Variants in KALRN observed in about 807,000 individuals in gnomAD.
The protein encoded by KALRN is kalirin RhoGEF kinase.
In KALRN, 70 loss-of-function variants were observed where a neutral mutation model predicts 353.7. The ratio of observed to expected loss-of-function variants is 0.20; its 90% CI spans 0.16 to 0.24. The LOEUF is 0.24. Among genes scored for constraint, KALRN ranks in the 10% least tolerant of loss-of-function variants. The probability of loss-of-function intolerance (pLI) is 1.00; values close to 1 mark genes in which losing one functional copy is unlikely to be tolerated. For synonymous variants in KALRN, 1,391 were observed against 1,434.8 expected (o/e 0.97, Z 0.69); for missense variants, 2,791 against 3,756.7 (o/e 0.74, Z 6.72).
chr3:124,626,289 A>G (rs1479143559), intron 34 of KALRN, among the ~76,000 whole-genome samples: 1 of 152,222 alleles, frequency 6.6e-6, no homozygotes, highest in African/African-American at 2.4e-5. Context: ...TCAGAAGAGA[A>G]TTTAACTTTG....
chr3:124,129,783 G>A (rs562434141), intron 1 of KALRN, among the ~76,000 whole-genome samples: 3 of 152,260 alleles, frequency 2.0e-5, no homozygotes, highest in African/African-American at 7.2e-5. Context: ...CCTCTTTTGG[G>A]CCTTGCTTTC....
rs1036785988 is a variant in KALRN, at chr3:124,375,773, T to C, written c.1771-9072T>C. On this transcript the variant is annotated intron_variant, in intron 10 of 59. Transcript: ENST00000682506. Reference sequence around the variant, plus strand: ...GCTTTCCTGCCTCAGAGTGACCAGATATTTAGCTTCTAGTTTATAGTCAGG... The same window carrying C: ...GCTTTCCTGCCTCAGAGTGACCAGACATTTAGCTTCTAGTTTATAGTCAGG... Among the ~76,000 whole-genome samples, 3 of 152,350 alleles carry C rather than the reference T, an allele frequency of 2.0e-5. No homozygotes were observed. In the South Asian group the frequency reaches 6.2e-4, roughly 32 times the overall value.
intron 34 of KALRN, chr3:124,584,540 A>G: frequency 2.8e-6 from 3 of 1,067,728 alleles, no homozygotes; most frequent in Non-Finnish European, 3.7e-6. Context: ...TGCCACAGGC[A>G]GCGTTACATG....
chr3:124,418,956 C>G (rs980844604), intron 14 of KALRN, among the ~76,000 whole-genome samples: 7 of 151,652 alleles, frequency 4.6e-5, no homozygotes, highest in African/African-American at 1.7e-4. Context: ...AATTCTCCAG[C>G]TGATACTTGG....
chr3:124,450,166 A>G (rs768180361), intron 21 of KALRN, among the ~76,000 whole-genome samples: 4 of 152,168 alleles, frequency 2.6e-5, no homozygotes, highest in Non-Finnish European at 4.4e-5. Context: ...TCTCACCAGC[A>G]GTTTGTGAGG....
chr3:124,321,649 C>G (rs2079351477), intron 6 of KALRN, among the ~76,000 whole-genome samples: 1 of 152,172 alleles, frequency 6.6e-6, no homozygotes, highest in African/African-American at 2.4e-5. Context: ...CAGTTAAGGA[C>G]TGCAGGATGA....
chr3:124,456,794 G>C (rs778820849), intron 23 of KALRN, 66 bp downstream of exon 23: 1 of 1,083,922 alleles, frequency 9.2e-7, no homozygotes, highest in African/African-American at 1.5e-5. Flanking sequence ...ACCGCTACTT[G>C]TCCCTTTGGA....
At chr3:124,473,344 G>A (rs2061125741) in intron 25 of KALRN, among the ~76,000 whole-genome samples, 1 of 151,712 alleles carries the variant, frequency 6.6e-6, no homozygotes, top group African/African-American at 2.4e-5. Flanking sequence ...ATTTTTGAAG[G>A]TAATGTATTG....
intron 10 of KALRN, among the ~76,000 whole-genome samples, chr3:124,361,191 G>A (rs993189348): frequency 1.3e-5 from 2 of 151,824 alleles, no homozygotes; most frequent in African/African-American, 2.4e-5. Context: ...ACACACAAGA[G>A]GAATTAAAAA....
chr3:124,638,413 T>C (rs180977171), intron 37 of KALRN, among the ~76,000 whole-genome samples: 1 of 152,216 alleles, frequency 6.6e-6, no homozygotes, highest in Admixed American at 6.5e-5. Context: ...TCCTGCCATC[T>C]TTCCTTTTCC....
intron 37 of KALRN, among the ~76,000 whole-genome samples, chr3:124,642,353 C>T (rs966511234): frequency 2.0e-5 from 3 of 152,042 alleles, no homozygotes; most frequent in Admixed American, 6.6e-5. Context: ...CCTTTCTGAG[C>T]TCGTCATTGG....
At chr3:124,282,333 C>A (rs1044973430) in intron 5 of KALRN, among the ~76,000 whole-genome samples, 1 of 150,438 alleles carries the variant, frequency 6.6e-6, no homozygotes, top group African/African-American at 2.4e-5. Context: ...TTACTAAAAA[C>A]ATTATCATGT....
Position 124,671,797 on chromosome 3 carries a change from T to C in KALRN, c.6841T>C (p.Ser2281Pro), listed in dbSNP as rs2086491475. 2 of 1,614,068 alleles carry C rather than the reference T, an allele frequency of 1.2e-6. No homozygotes were observed. The highest frequency in any genetic ancestry group is 1.3e-5 in the African/African-American group (1 of 74,920). The stretch of plus-strand genomic sequence containing the variant: ...GGGCTCAGAGAAGCCCCCAAAGGGC[T>C]CCAGCTATAACCCACCTCTGCCTCC... ...PAGSEKPPKG[S>P]SYNPPLPPLK... The change falls in exon 48 of 60, where the codon TCC becomes CCC. Residue 2281 changes from serine to proline, a missense_variant. Ser to Pro is a moderately conservative substitution (Grantham distance 74). Coordinates refer to ENST00000682506, the MANE Select transcript of KALRN (RefSeq NM_001388419.1).
intron 18 of KALRN, among the ~76,000 whole-genome samples, chr3:124,441,017 G>A (rs186806148): frequency 2.0e-5 from 3 of 152,146 alleles, no homozygotes; most frequent in Non-Finnish European, 2.9e-5. Flanking sequence ...TCGTAAAGGG[G>A]GTAGGTAATA....
intron 10 of KALRN, among the ~76,000 whole-genome samples, chr3:124,362,001 C>G (rs146305600): frequency 6.6e-6 from 1 of 152,106 alleles, no homozygotes; most frequent in Non-Finnish European, 1.5e-5. Flanking sequence ...TTCCAGCCCC[C>G]CTGAGACCTC....
chr3:124,366,894 A>C (rs1204531855), intron 10 of KALRN, among the ~76,000 whole-genome samples: 9 of 92,754 alleles, frequency 9.7e-5, no homozygotes, highest in Admixed American at 2.2e-4. Context: ...TGACCCCCCC[A>C]CCTCCCTCCC....
At chr3:124,239,007 G>A (rs2080115657) in intron 3 of KALRN, among the ~76,000 whole-genome samples, 1 of 152,170 alleles carries the variant, frequency 6.6e-6, no homozygotes, top group Admixed American at 6.5e-5. Context: ...AATATTTACT[G>A]AGTGTCTACT....
At chr3:124,537,363 C>T (rs959486278) in intron 33 of KALRN, among the ~76,000 whole-genome samples, 11 of 152,060 alleles carry the variant, frequency 7.2e-5, no homozygotes, top group Admixed American at 4.6e-4. Context: ...TTTAAAACCA[C>T]GATACTTTCA....
chr3:124,699,253 C>A (rs1000004191), intron 55 of KALRN, among the ~76,000 whole-genome samples: 1 of 152,128 alleles, frequency 6.6e-6, no homozygotes, highest in African/African-American at 2.4e-5. Context: ...TAGCATTATC[C>A]AGTTCATAGT....
Sources: gnomAD v4.1 joint callset for allele counts (sites outside exome capture counted in the v4.1 genomes callset) on GRCh38, gnomAD v4.1.1 for gene constraint, MANE v1.5 for transcripts, NCBI Gene and HGNC (gene_info 2026-07-23, HGNC 2026-07-21) for gene names.